Variants in EFCAB6 observed in about 807,000 individuals in gnomAD.
The protein encoded by EFCAB6 is EF-hand calcium-binding domain-containing protein 6.
Under a neutral mutation model 169.8 loss-of-function variants are expected in EFCAB6, and 156 were observed. That is an observed-to-expected ratio of 0.92 (90% CI 0.81 to 1.05). The LOEUF is 1.05. EFCAB6 is among the 50% of genes least tolerant of loss of function. The pLI, the probability that EFCAB6 is intolerant of heterozygous loss-of-function variation, is 0.00. For missense variants in EFCAB6, 1,800 were observed against 1,829.1 expected, an observed-to-expected ratio of 0.98 and a Z score of 0.29; for synonymous variants, 698 against 676.4, an observed-to-expected ratio of 1.03 and a Z score of -0.50.
At chr22:43,621,245 C>G (rs2054097399) in intron 20 of EFCAB6, among the ~76,000 whole-genome samples, 1 of 146,384 alleles carries the variant, frequency 6.8e-6, no homozygotes, top group African/African-American at 2.5e-5. Flanking sequence ...CCCACCACCA[C>G]ACCTGGCTGA....
chr22:43,723,810 C>T (rs1445879242), intron 8 of EFCAB6, among the ~76,000 whole-genome samples: 1 of 152,218 alleles, frequency 6.6e-6, no homozygotes. Context: ...ACCTAAGCCA[C>T]AGCTGGGACC....
intron 17 of EFCAB6, among the ~76,000 whole-genome samples, chr22:43,651,485 T>C (rs1270428463): frequency 3.9e-5 from 6 of 152,238 alleles, no homozygotes; most frequent in Non-Finnish European, 7.3e-5. Context: ...AGGGCTCTCA[T>C]AGACAACCTC....
rs139116690 is a variant in EFCAB6 at position 43,716,906 on chromosome 22, G to A, written c.824C>T (p.Ser275Phe). ...KKERLLGSASSEDIWRNYSLD... is the reference protein window; with the variant it reads ...KKERLLGSASFEDIWRNYSLD... ...GGAGTAGTTTCTCCAGATATCTTCA[G>A]ATGATGCAGAACCTAGCAAACGTTC... is the stretch of plus-strand genomic sequence containing the variant. Residue 275 changes from serine (S) to phenylalanine (F), a missense_variant, in exon 9 of 32, where the codon TCT (serine) becomes TTT (phenylalanine). Transcript: ENST00000262726. The A allele has an allele frequency of 9.8e-5, 157 of 1,603,816 alleles. 1 individual carries two copies. In the South Asian group the frequency reaches 1.5e-3, roughly 16 times the overall value.
intron 24 of EFCAB6, among the ~76,000 whole-genome samples, chr22:43,585,124 A>C (rs2050974936): frequency 6.6e-6 from 1 of 152,230 alleles, no homozygotes. Flanking sequence ...AAGCTGCAGA[A>C]GCAGACTCAT....
intron 12 of EFCAB6, 52 bp downstream of exon 12, chr22:43,683,695 G>T: frequency 3.1e-6 from 4 of 1,287,860 alleles, no homozygotes; most frequent in Non-Finnish European, 4.5e-6. Context: ...CTGAGTGTTT[G>T]CATTCTTAGA....
intron 5 of EFCAB6, among the ~76,000 whole-genome samples, chr22:43,764,354 G>C (rs974368790): frequency 6.6e-6 from 1 of 152,140 alleles, no homozygotes; most frequent in African/African-American, 2.4e-5. Context: ...GCCTCCAGCT[G>C]CAAAAGACAT....
intron 5 of EFCAB6, among the ~76,000 whole-genome samples, chr22:43,762,643 T>C (rs2061203837): frequency 6.6e-6 from 1 of 152,262 alleles, no homozygotes; most frequent in Admixed American, 6.5e-5. Flanking sequence ...AAGATAATTC[T>C]GCTTCACGAG....
chr22:43,540,523 G>C, intron 27 of EFCAB6, 166 bp from the exon 28 acceptor site: 1 of 1,531,142 alleles, frequency 6.5e-7, no homozygotes, highest in South Asian at 1.2e-5. Flanking sequence ...GCCTTCGCTC[G>C]GCGGAGGCCT....
chr22:43,559,755 CAT>C (rs2048916972), intron 26 of EFCAB6, among the ~76,000 whole-genome samples: 1 of 151,914 alleles, frequency 6.6e-6, no homozygotes. Flanking sequence ...AGCAGACTAA[CAT>C]AGGAACAGAA....
chr22:43,581,390 G>C (rs537039103), intron 24 of EFCAB6, among the ~76,000 whole-genome samples: 1 of 150,164 alleles, frequency 6.7e-6, no homozygotes, highest in Non-Finnish European at 1.5e-5. Context: ...AAATCCACCT[G>C]CATCGATGGC....
At chr22:43,771,884 C>T (rs566550394) in intron 4 of EFCAB6, among the ~76,000 whole-genome samples, 6 of 152,312 alleles carry the variant, frequency 3.9e-5, no homozygotes, top group African/African-American at 9.6e-5. Flanking sequence ...CCTTCACTTC[C>T]GATAGAAGTC....
rs1161582167 is a variant in EFCAB6, at chr22:43,804,915, GAGA to G, written c.-8+4077_-8+4079del. On this transcript the variant is annotated intron_variant, in intron 2 of 31. Coordinates refer to ENST00000262726, the MANE Select transcript of EFCAB6 (RefSeq NM_022785.4). ...AAAAGAGAGAAGACCCAAGTTGGAA[GAGA>G]AGAAGTCAAATTAGCCTTGTTCACA... Among the ~76,000 whole-genome samples the G allele has an allele frequency of 4.6e-5, 7 of 152,268 alleles. No homozygotes were observed. In the East Asian group the frequency reaches 5.8e-4, roughly 13 times the overall value.
intron 2 of EFCAB6, among the ~76,000 whole-genome samples, chr22:43,802,090 T>G (rs1386017739): frequency 6.6e-6 from 1 of 152,100 alleles, no homozygotes; most frequent in Non-Finnish European, 1.5e-5. Context: ...TAAAATAGAC[T>G]ACAAATCAAA....
At chr22:43,801,865 T>A (rs1265210408) in intron 2 of EFCAB6, among the ~76,000 whole-genome samples, 1 of 152,124 alleles carries the variant, frequency 6.6e-6, no homozygotes, top group African/African-American at 2.4e-5. Flanking sequence ...TTCTTACTCA[T>A]CAACAATAAC....
At chr22:43,776,055 A>C (rs2061629671) in intron 3 of EFCAB6, among the ~76,000 whole-genome samples, 1 of 152,270 alleles carries the variant, frequency 6.6e-6, no homozygotes, top group African/African-American at 2.4e-5. Context: ...GCACACAGCA[A>C]TAGATACCTG....
At chr22:43,659,333 C>T (rs1224218888) in intron 17 of EFCAB6, among the ~76,000 whole-genome samples, 1 of 152,120 alleles carries the variant, frequency 6.6e-6, no homozygotes, top group African/African-American at 2.4e-5. Context: ...TAGAGGAATA[C>T]AAATACTTAA....
chr22:43,668,547 T>C (rs963653352), intron 16 of EFCAB6, among the ~76,000 whole-genome samples: 1 of 152,210 alleles, frequency 6.6e-6, no homozygotes, highest in Non-Finnish European at 1.5e-5. Flanking sequence ...AATGCAGGTA[T>C]GTAATAGAGA....
chr22:43,734,599 C>CT (rs2060067247), intron 7 of EFCAB6, among the ~76,000 whole-genome samples: 1 of 152,150 alleles, frequency 6.6e-6, no homozygotes, highest in Non-Finnish European at 1.5e-5. Context: ...AGTGCTGCCT[C>CT]TGTTCTATAA....
intron 25 of EFCAB6, 138 bp from the exon 26 acceptor site, chr22:43,576,626 A>G: frequency 1.5e-6 from 1 of 659,166 alleles, no homozygotes; most frequent in Non-Finnish European, 2.3e-6. Context: ...TAAATTACTA[A>G]ATAAATGCAC....
Sources: allele counts gnomAD v4.1 joint callset (sites outside exome capture counted in the v4.1 genomes callset), GRCh38; gene constraint gnomAD v4.1.1; transcripts MANE v1.5; gene names NCBI Gene and HGNC (gene_info 2026-07-23, HGNC 2026-07-21).